Variants in BMP3 observed in about 807,000 individuals in gnomAD.
BMP3 encodes the protein bone morphogenetic protein 3 (osteogenic).
Under a neutral mutation model 38.1 loss-of-function variants are expected in BMP3, and 23 were observed. That is an observed-to-expected ratio of 0.60 (90% CI 0.43 to 0.86). The LOEUF (loss-of-function observed/expected upper bound fraction) is 0.86, where lower values mean the gene tolerates loss of function less well. BMP3 is among the 40% of genes least tolerant of loss of function. BMP3 has a pLI of 0.00. For missense variants in BMP3, 628 were observed against 579.6 expected, an observed-to-expected ratio of 1.08 and a Z score of -0.86; for synonymous variants, 258 against 225.7, an observed-to-expected ratio of 1.14 and a Z score of -1.28.
intron 2 of BMP3, among the ~76,000 whole-genome samples, chr4:81,048,554 C>G (rs551913111): frequency 6.6e-6 from 1 of 152,256 alleles, no homozygotes; most frequent in Non-Finnish European, 1.5e-5. Flanking sequence ...GGTATCCACC[C>G]CACCACAATT....
At chr4:81,042,617 G>A (rs1490752755) in intron 1 of BMP3, among the ~76,000 whole-genome samples, 1 of 152,194 alleles carries the variant, frequency 6.6e-6, no homozygotes, top group Non-Finnish European at 1.5e-5. Context: ...CTAATTAACA[G>A]CAGGTCACAA....
rs757680724 is a variant in BMP3, at chr4:81,046,494, A to G, written c.1073A>G (p.Lys358Arg). The change falls in exon 2 of 3, where the codon AAG (lysine) becomes AGG (arginine). Residue 358 changes from lysine (K) to arginine (R), a missense_variant. Coordinates refer to ENST00000282701, the MANE Select transcript of BMP3 (RefSeq NM_001201.5). ...CAATTTGATGAGCAGACCCTGAAAA[A>G]GGCAAGGAGAAAGCAGTGGATTGAA... The part of the protein sequence containing the change: ...TLQFDEQTLK[K>R]ARRKQWIEPR... 1 of 1,614,112 alleles carries G rather than the reference A, an allele frequency of 6.2e-7. No individual in the cohort carries two copies. Among genetic ancestry groups the G allele is most frequent in the Non-Finnish European group, 8.5e-7 (1 of 1,180,020 alleles).
chr4:81,057,017 AAAG>A lies in BMP3; in HGVS notation c.*3486_*3488del, dbSNP rs1360547049. 6.6e-6 allele frequency: 1 copy of A among 152,588 alleles called. No homozygotes were observed. The highest frequency in any genetic ancestry group is 2.4e-5 in the African/African-American group (1 of 41,452). The allele number at this position is 152,588 out of a possible 1,614,324, so 9.5% of individuals were successfully genotyped here. A position where few individuals can be genotyped will look rare whatever the true frequency, so the allele number is the denominator to read the frequency against. The stretch of plus-strand genomic sequence containing the variant: ...CTATGCACACCTGATGTGTAAGATT[AAAG>A]AAGAGATTAAATAAGAAATCTTGGG... On this transcript the variant is annotated 3_prime_UTR_variant, in exon 3 of 3. Transcript: ENST00000282701.
intron 1 of BMP3, among the ~76,000 whole-genome samples, chr4:81,040,618 A>G (rs181256101): frequency 4.4e-4 from 67 of 152,196 alleles, no homozygotes; most frequent in African/African-American, 1.6e-3. Context: ...CCTCCAGGCA[A>G]TGTTTTCTTA....
Position 81,031,513 on chromosome 4 carries a change from G to A in BMP3, c.229G>A (p.Gly77Ser). The change falls in exon 1 of 3, where the codon GGC becomes AGC. Residue 77 changes from glycine (G) to serine (S), a missense_variant. Transcript: ENST00000282701. ...CACGGTCCAGGCGGCCCGGACACCG[G>A]GCTCCCTGGAGGGAGGCTCGCAGCC... ...YSTVQAARTP[G>S]SLEGGSQPWR... The A allele has an allele frequency of 6.2e-7, 1 of 1,612,626 alleles. No homozygotes were observed. The highest frequency in any genetic ancestry group is 8.5e-7 in the Non-Finnish European group (1 of 1,179,606).
At chr4:81,035,705 TAGG>T (rs1204023904) in intron 1 of BMP3, among the ~76,000 whole-genome samples, 1 of 152,074 alleles carries the variant, frequency 6.6e-6, no homozygotes, top group Non-Finnish European at 1.5e-5. Flanking sequence ...TCTAATTTTG[TAGG>T]AGAACATGTC....
chr4:81,054,043 A>G lies in BMP3; in HGVS notation c.*507A>G, dbSNP rs1334330640. ...TCTTGTTTATCCTTGTTTTTCCTCC[A>G]CAAGTCATTGTCTAAGTGTAATGGA... On this transcript the variant is annotated 3_prime_UTR_variant, in exon 3 of 3. Transcript: ENST00000282701. 1 of 152,798 alleles carries G rather than the reference A, an allele frequency of 6.5e-6. No homozygotes were observed. The allele number at this position is 152,798 out of a possible 1,614,324, so 9.5% of individuals were successfully genotyped here.
At chr4:81,039,772 T>TA (rs1236228096) in intron 1 of BMP3, among the ~76,000 whole-genome samples, 1 of 152,068 alleles carries the variant, frequency 6.6e-6, no homozygotes, top group Non-Finnish European at 1.5e-5. Context: ...CTCATGCATA[T>TA]AAAAAAAGCT....
At position 81,031,561 on chromosome 4, in the gene BMP3, G is replaced by A; in HGVS notation, c.277G>A (p.Glu93Lys). 1 of 1,609,908 alleles carries A rather than the reference G, an allele frequency of 6.2e-7. No individual in the cohort carries two copies. Among genetic ancestry groups the A allele is most frequent in the Non-Finnish European group, 8.5e-7 (1 of 1,178,664 alleles). Residue 93 changes from glutamate to lysine, a missense_variant, in exon 1 of 3, where the codon GAA becomes AAA. Glu to Lys is a moderately conservative substitution (Grantham distance 56, BLOSUM62 1). Transcript: ENST00000282701. Reference sequence around the variant, plus strand: ...GCCCTGGCGCCCTCGGCTCCTGCGCGAAGGCAACACGGTTCGCAGCTTTCG... The same window carrying A: ...GCCCTGGCGCCCTCGGCTCCTGCGCAAAGGCAACACGGTTCGCAGCTTTCG... ...SQPWRPRLLR[E>K]GNTVRSFRAA...
rs1470985754 is a variant in BMP3, at chr4:81,054,088, G to C, written c.*552G>C. 6.5e-6 allele frequency: 1 copy of C among 152,692 alleles called. No individual in the cohort carries two copies. The highest frequency in any genetic ancestry group is 1.5e-5 in the Non-Finnish European group (1 of 68,118). The allele number at this position is 152,692 out of a possible 1,614,324, so 9.5% of individuals were successfully genotyped here. The stretch of plus-strand genomic sequence containing the variant: ...AATGGAAAGTTTATGCTGAGCGTTA[G>C]TGTGTATGTATGTGCGTACATGCGC... On this transcript the variant is annotated 3_prime_UTR_variant, in exon 3 of 3. Coordinates refer to ENST00000282701, the MANE Select transcript of BMP3 (RefSeq NM_001201.5).
Position 81,031,581 on chromosome 4 carries a change from C to T in BMP3, c.297C>T (p.Ser99=). ...RLLREGNTVR[S]FRAAAAETLE... is the part of the protein sequence containing the mutation. ...TGCGCGAAGGCAACACGGTTCGCAG[C>T]TTTCGGGCGGCAGCAGCAGGTGAGT... is the stretch of plus-strand genomic sequence containing the variant. The change falls in exon 1 of 3, where the codon AGC becomes AGT. Residue 99 remains serine, a synonymous_variant. Transcript: ENST00000282701. 1.2e-5 allele frequency: 20 copies of T among 1,602,628 alleles called. No homozygotes were observed. The highest frequency in any genetic ancestry group is 1.7e-5 in the Non-Finnish European group (20 of 1,175,246).
intron 1 of BMP3, among the ~76,000 whole-genome samples, chr4:81,037,152 T>C (rs1739944482): frequency 6.6e-6 from 1 of 152,072 alleles, no homozygotes; most frequent in African/African-American, 2.4e-5. Flanking sequence ...TAAATATCTC[T>C]TTTATAAAAT....
At chr4:81,042,583 G>A (rs1160577562) in intron 1 of BMP3, among the ~76,000 whole-genome samples, 2 of 152,222 alleles carry the variant, frequency 1.3e-5, no homozygotes, top group Admixed American at 1.3e-4. Context: ...AAACGATGTT[G>A]TAGATTAGAC....
chr4:81,037,340 A>C lies in BMP3; in HGVS notation c.316+5740A>C, dbSNP rs180695332. 26 of 216,560 alleles carry C rather than the reference A, an allele frequency of 1.2e-4. No individual in the cohort carries two copies. In the East Asian group the frequency reaches 2.4e-3, roughly 20 times the overall value. The allele number at this position is 216,560 out of a possible 1,614,324, so 13.4% of individuals were successfully genotyped here. A position where few individuals can be genotyped will look rare whatever the true frequency, so the allele number is the denominator to read the frequency against. ...AATTGCTGTACTTGGTGTTAAGTGA[A>C]ATGGTTTTCAAGTAGAGAAAAGATT... On this transcript the variant is annotated intron_variant, in intron 1 of 2. Transcript: ENST00000282701.
intron 1 of BMP3, among the ~76,000 whole-genome samples, chr4:81,038,001 A>G (rs1042756368): frequency 1.1e-4 from 16 of 152,134 alleles, no homozygotes; most frequent in Non-Finnish European, 2.2e-4. Context: ...ATTCTGATCC[A>G]TATTTGAGAA....
intron 2 of BMP3, among the ~76,000 whole-genome samples, chr4:81,050,293 A>T (rs1740370981): frequency 6.6e-6 from 1 of 152,182 alleles, no homozygotes; most frequent in Non-Finnish European, 1.5e-5. Flanking sequence ...ATTCACAGAC[A>T]CGGCAGTTTG....
chr4:81,046,790 C>A, intron 2 of BMP3, 142 bp downstream of exon 2: 1 of 875,054 alleles, frequency 1.1e-6, no homozygotes, highest in Non-Finnish European at 1.8e-6. Context: ...TTATTTACTA[C>A]ATTCTAAACC....
rs1740604764 is a variant in BMP3, at chr4:81,057,468, C to T, written c.*3932C>T. 6.6e-6 allele frequency: 1 copy of T among 151,942 alleles called. No homozygotes were observed. The highest frequency in any genetic ancestry group is 2.4e-5 in the African/African-American group (1 of 41,388). 9.4% of individuals were successfully genotyped at this position (151,942 alleles called of 1,614,324 possible). A position where few individuals can be genotyped will look rare whatever the true frequency, so the allele number is the denominator to read the frequency against. ...TGTATAAGCTTTGTTGAATTTGTATCATTTTCTTTCAGTAATGAAAAGCTA... is the reference window on the plus strand; with the variant it reads ...TGTATAAGCTTTGTTGAATTTGTATTATTTTCTTTCAGTAATGAAAAGCTA... On this transcript the variant is annotated 3_prime_UTR_variant, in exon 3 of 3. Transcript: ENST00000282701.
Position 81,045,977 on chromosome 4 carries a change from G to A in BMP3, c.556G>A (p.Asp186Asn). The A allele has an allele frequency of 6.2e-7, 1 of 1,614,036 alleles. No homozygotes were observed. The highest frequency in any genetic ancestry group is 8.5e-7 in the Non-Finnish European group (1 of 1,179,990). The change falls in exon 2 of 3, where the codon GAT becomes AAT. Residue 186 changes from aspartate to asparagine, a missense_variant. Transcript: ENST00000282701. ...QSQLLGHLSVDMAKSHRDIMS... is the reference protein window; with the variant it reads ...QSQLLGHLSVNMAKSHRDIMS... ...TCAACTCCTTGGCCATCTGTCAGTGGATATGGCCAAATCTCATCGAGATAT... is the reference window on the plus strand; with the variant it reads ...TCAACTCCTTGGCCATCTGTCAGTGAATATGGCCAAATCTCATCGAGATAT...
Sources: allele counts gnomAD v4.1 joint callset (sites outside exome capture counted in the v4.1 genomes callset), GRCh38; gene constraint gnomAD v4.1.1; transcripts MANE v1.5; gene names NCBI Gene and HGNC (gene_info 2026-07-23, HGNC 2026-07-21).